Variants in SNAP29 observed in about 807,000 individuals in gnomAD.
The protein encoded by SNAP29 is synaptosome associated protein 29.
Under a neutral mutation model 27.9 loss-of-function variants are expected in SNAP29, and 13 were observed. The ratio of observed to expected loss-of-function variants is 0.47; its 90% CI spans 0.30 to 0.74. The LOEUF is 0.74. Ranked by LOEUF, SNAP29 falls within the 30% of genes least tolerant of loss-of-function variation. SNAP29 has a pLI of 0.06. For synonymous variants in SNAP29, 119 were observed against 127.1 expected, an observed-to-expected ratio of 0.94 and a Z score of 0.43; for missense variants, 368 against 336.5, an observed-to-expected ratio of 1.09 and a Z score of -0.73.
chr22:20,888,179 T>G lies in SNAP29; in HGVS notation c.*343T>G, dbSNP rs1929065401. On this transcript the variant is annotated 3_prime_UTR_variant, in exon 5 of 5. Transcript: ENST00000215730. ...GCATATGGAAAGATGGGAACAGAAT[T>G]TCAGTCTTGCAGCCATGAGCCTCTA... 5.7e-6 allele frequency: 2 copies of G among 352,214 alleles called. No individual in the cohort carries two copies. Among genetic ancestry groups the G allele is most frequent in the Non-Finnish European group, 1.1e-5 (2 of 183,150 alleles). 21.8% of individuals were successfully genotyped at this position (352,214 alleles called of 1,614,324 possible).
intron 3 of SNAP29, among the ~76,000 whole-genome samples, chr22:20,882,311 C>A (rs1928908975): frequency 1.3e-5 from 2 of 151,812 alleles, no homozygotes; most frequent in South Asian, 2.1e-4. Flanking sequence ...ACAAGGTGTG[C>A]AAGACAGTGT....
chr22:20,862,436 A>G (rs946173565), intron 1 of SNAP29, among the ~76,000 whole-genome samples: 3 of 152,200 alleles, frequency 2.0e-5, no homozygotes, highest in African/African-American at 7.2e-5. Flanking sequence ...GCCCAGCAAC[A>G]GAGCTCCTGG....
At chr22:20,881,842 T>C (rs1342053609) in intron 3 of SNAP29, among the ~76,000 whole-genome samples, 2 of 152,126 alleles carry the variant, frequency 1.3e-5, no homozygotes, top group Non-Finnish European at 2.9e-5. Context: ...CACGTCCTAA[T>C]CCCCAGACCC....
chr22:20,863,331 CTG>C (rs529623446), intron 1 of SNAP29, among the ~76,000 whole-genome samples: 124 of 152,312 alleles, frequency 8.1e-4, no homozygotes, highest in African/African-American at 2.8e-3. Flanking sequence ...TACCCCAGCA[CTG>C]TGAAACATGC....
chr22:20,859,439 C>A (rs1928169585), intron 1 of SNAP29, 92 bp downstream of exon 1: 2 of 964,444 alleles, frequency 2.1e-6, no homozygotes, highest in African/African-American at 1.6e-5. Flanking sequence ...TTTGAGAATT[C>A]TCAAGTTGCC....
intron 2 of SNAP29, among the ~76,000 whole-genome samples, chr22:20,880,551 G>T (rs1928866133): frequency 6.6e-6 from 1 of 151,960 alleles, no homozygotes. Context: ...AACAGGAGGT[G>T]AGCCAGATGT....
At chr22:20,876,255 C>G (rs1477823397) in intron 2 of SNAP29, among the ~76,000 whole-genome samples, 1 of 129,582 alleles carries the variant, frequency 7.7e-6, no homozygotes, top group African/African-American at 2.9e-5. Context: ...AAAACTTTGC[C>G]TTTTTTTTTT....
At position 20,864,542 on chromosome 22, in the gene SNAP29, G is replaced by A. The variant is rs563246050; in HGVS notation, c.237+5195G>A. ...CTTGGAGCAGCCCACTCCAAATGAG[G>A]GGCCGTACAGACCAAAGTCACCCCT... On this transcript the variant is annotated intron_variant, in intron 1 of 4. Transcript: ENST00000215730. Among the ~76,000 whole-genome samples, 46 of 152,286 alleles carry A rather than the reference G, an allele frequency of 3.0e-4. No homozygotes were observed. In the East Asian group the frequency reaches 8.5e-3, roughly 28 times the overall value.
chr22:20,860,078 G>T (rs921432793), intron 1 of SNAP29, among the ~76,000 whole-genome samples: 4 of 152,014 alleles, frequency 2.6e-5, no homozygotes, highest in African/African-American at 9.7e-5. Context: ...CTGGCCGAGC[G>T]CAGTGACTCA....
intron 2 of SNAP29, among the ~76,000 whole-genome samples, chr22:20,877,181 T>TG (rs1305004734): frequency 3.9e-5 from 6 of 152,164 alleles, no homozygotes; most frequent in African/African-American, 1.4e-4. Context: ...CCCAGCACTT[T>TG]GGAGGTTGAG....
At chr22:20,880,885 C>T (rs538270246) in intron 2 of SNAP29, among the ~76,000 whole-genome samples, 164 bp from the exon 3 acceptor site, 2 of 152,258 alleles carry the variant, frequency 1.3e-5, no homozygotes, top group African/African-American at 4.8e-5. Flanking sequence ...GCCCACTGTG[C>T]TCCTGGGAGA....
At chr22:20,861,363 G>A (rs1928315102) in intron 1 of SNAP29, among the ~76,000 whole-genome samples, 1 of 151,736 alleles carries the variant, frequency 6.6e-6, no homozygotes, top group Admixed American at 6.6e-5. Flanking sequence ...CCACCACCTC[G>A]GCCTCCCAAA....
At chr22:20,885,229 T>TG (rs1260735284) in intron 4 of SNAP29, among the ~76,000 whole-genome samples, 1 of 152,198 alleles carries the variant, frequency 6.6e-6, no homozygotes, top group African/African-American at 2.4e-5. Flanking sequence ...CGTGGTGACC[T>TG]GGGTCACCCT....
At chr22:20,872,737 T>C (rs1298782273) in intron 2 of SNAP29, among the ~76,000 whole-genome samples, 1 of 150,472 alleles carries the variant, frequency 6.6e-6, no homozygotes, top group African/African-American at 2.4e-5. Context: ...GGTTTCACCA[T>C]GTTGGCCAGT....
chr22:20,861,685 G>C (rs1019148524), intron 1 of SNAP29, among the ~76,000 whole-genome samples: 1 of 152,000 alleles, frequency 6.6e-6, no homozygotes, highest in Non-Finnish European at 1.5e-5. Flanking sequence ...TCCCAGGCTA[G>C]AGTTCAGTGG....
intron 4 of SNAP29, 42 bp from the exon 5 acceptor site, chr22:20,887,637 G>T: frequency 6.2e-7 from 1 of 1,612,774 alleles, no homozygotes; most frequent in South Asian, 1.1e-5. Context: ...CAGGTGCCGT[G>T]ACTGTTTGCT....
intron 2 of SNAP29, among the ~76,000 whole-genome samples, chr22:20,877,060 T>C (rs1928764599): frequency 6.6e-6 from 1 of 152,190 alleles, no homozygotes; most frequent in Admixed American, 6.5e-5. Flanking sequence ...ATTTAAGACT[T>C]GGTTTCTGAC....
chr22:20,874,243 A>G (rs1395270606), intron 2 of SNAP29, among the ~76,000 whole-genome samples: 1 of 149,646 alleles, frequency 6.7e-6, no homozygotes, highest in Non-Finnish European at 1.5e-5. Flanking sequence ...CCACTGCAAC[A>G]GTGAGCTGAG....
At chr22:20,864,537 A>G (rs1928412903) in intron 1 of SNAP29, among the ~76,000 whole-genome samples, 2 of 152,176 alleles carry the variant, frequency 1.3e-5, no homozygotes. Context: ...CCCACTCCAA[A>G]TGAGGGGCCG....
Sources: allele counts gnomAD v4.1 joint callset (sites outside exome capture counted in the v4.1 genomes callset), GRCh38; gene constraint gnomAD v4.1.1; transcripts MANE v1.5; gene names NCBI Gene and HGNC (gene_info 2026-07-23, HGNC 2026-07-21).